Variants in UGGT1 observed in about 807,000 individuals in gnomAD.
UGGT1 encodes UDP-glucose glycoprotein glucosyltransferase 1.
Under a neutral mutation model 203.9 loss-of-function variants are expected in UGGT1, and 107 were observed. The observed-to-expected ratio is 0.52, with a 90% confidence interval of 0.45 to 0.62. The LOEUF is 0.62. Ranked by LOEUF, UGGT1 falls within the 20% of genes least tolerant of loss-of-function variation. The pLI is 0.00. For synonymous variants in UGGT1, 628 were observed against 653.5 expected, an observed-to-expected ratio of 0.96 and a Z score of 0.59; for missense variants, 1,673 against 1,867.2, an observed-to-expected ratio of 0.90 and a Z score of 1.92.
At chr2:128,127,582 G>A (rs1688664733) in intron 12 of UGGT1, 130 bp downstream of exon 12, 3 of 664,596 alleles carry the variant, frequency 4.5e-6, no homozygotes, top group Non-Finnish European at 7.9e-6. Flanking sequence ...CCCACTGGGT[G>A]GACGTAGGTA....
At chr2:128,157,220 T>G in intron 21 of UGGT1, 32 bp from the exon 22 acceptor site, 2 of 1,496,438 alleles carry the variant, frequency 1.3e-6, no homozygotes, top group Non-Finnish European at 1.9e-6. Context: ...TTCTCTCCTC[T>G]GACTCAATTA....
rs765924771 is a variant in UGGT1, at chr2:128,172,672, A to G, written c.3204A>G (p.Pro1068=). The change falls in exon 29 of 41, where the codon CCA becomes CCG. Residue 1068 remains proline, a synonymous_variant. Coordinates refer to ENST00000259253, the MANE Select transcript of UGGT1 (RefSeq NM_020120.4). ...IAKFLDMPQS[P]LFTLNLNTPE... The stretch of plus-strand genomic sequence containing the variant: ...AATTTTTGGATATGCCTCAGTCTCC[A>G]CTGTTCACTCTGAATTTGAACACAC... 9 of 1,614,022 alleles carry G rather than the reference A, an allele frequency of 5.6e-6. No individual in the cohort carries two copies.
At chr2:128,109,580 T>A in intron 4 of UGGT1, 54 bp from the exon 5 acceptor site, 1 of 1,389,334 alleles carries the variant, frequency 7.2e-7, no homozygotes, top group Non-Finnish European at 1.0e-6. Flanking sequence ...TACATGTCTT[T>A]ATCTCGTCTT....
Position 128,174,782 on chromosome 2 carries a change from C to T in UGGT1, c.3463C>T (p.Gln1155Ter), listed in dbSNP as rs753161743. Reference sequence around the variant, plus strand: ...TTTCTTCTTGTCCTAGGGCTACTTTCAGCTGAAAGCCAACCCAGGAGCTTG... The same window carrying T: ...TTTCTTCTTGTCCTAGGGCTACTTTTAGCTGAAAGCCAACCCAGGAGCTTG... The part of the protein sequence containing the change: ...TIVMANLGYF[Q>*]LKANPGAWIL... The change falls in exon 31 of 41, where the codon CAG becomes TAG. Residue 1155 changes from glutamine to a stop codon, truncating the protein, a stop_gained. Coordinates refer to ENST00000259253, the MANE Select transcript of UGGT1 (RefSeq NM_020120.4). LOFTEE classifies it high-confidence loss of function. The T allele has an allele frequency of 1.2e-6, 2 of 1,613,564 alleles. No individual in the cohort carries two copies. Among genetic ancestry groups the T allele is most frequent in the East Asian group, 2.2e-5 (1 of 44,868 alleles).
chr2:128,174,545 C>T (rs1206538077), intron 30 of UGGT1, among the ~76,000 whole-genome samples: 2 of 152,156 alleles, frequency 1.3e-5, no homozygotes, highest in Non-Finnish European at 2.9e-5. Context: ...AGTTGATCCA[C>T]CTGCCGTGGT....
At chr2:128,179,689 G>C in intron 34 of UGGT1, 97 bp from the exon 35 acceptor site, 1 of 1,038,138 alleles carries the variant, frequency 9.6e-7, no homozygotes, top group Non-Finnish European at 1.4e-6. Flanking sequence ...TAGCTCTGCC[G>C]TAAAGAGCAT....
intron 26 of UGGT1, among the ~76,000 whole-genome samples, chr2:128,167,642 G>A (rs991260484): frequency 6.6e-6 from 1 of 152,142 alleles, no homozygotes; most frequent in Admixed American, 6.5e-5. Flanking sequence ...CGAACCATAG[G>A]CAAATGTGTA....
intron 2 of UGGT1, 134 bp from the exon 3 acceptor site, chr2:128,103,798 G>A: frequency 2.4e-6 from 1 of 411,118 alleles, no homozygotes; most frequent in Non-Finnish European, 4.3e-6. Flanking sequence ...ACATAAAAGA[G>A]TATTATATAT....
intron 24 of UGGT1, among the ~76,000 whole-genome samples, chr2:128,160,933 G>T (rs778533390): frequency 4.6e-5 from 7 of 152,178 alleles, no homozygotes; most frequent in Non-Finnish European, 1.0e-4. Context: ...TGTCCTTGAG[G>T]AATTGATAAG....
At chr2:128,147,013 A>G (rs1209752452) in intron 18 of UGGT1, among the ~76,000 whole-genome samples, 1 of 152,186 alleles carries the variant, frequency 6.6e-6, no homozygotes, top group Non-Finnish European at 1.5e-5. Flanking sequence ...ATAAACCACC[A>G]TGTGTGTCCT....
At chr2:128,115,483 T>TAAAAAA (rs55952659) in intron 7 of UGGT1, among the ~76,000 whole-genome samples, 11 of 121,682 alleles carry the variant, frequency 9.0e-5, no homozygotes, top group East Asian at 4.8e-4. Context: ...TTTCATGTAC[T>TAAAAAA]AAAAAAAAAA....
chr2:128,161,034 T>A, intron 24 of UGGT1, 104 bp from the exon 25 acceptor site: 1 of 1,346,452 alleles, frequency 7.4e-7, no homozygotes, highest in Admixed American at 2.3e-5. Context: ...CTTTAAGATG[T>A]TCTGGCGTAT....
chr2:128,108,861 T>C (rs1431949000), intron 4 of UGGT1, among the ~76,000 whole-genome samples: 6 of 152,180 alleles, frequency 3.9e-5, no homozygotes, highest in African/African-American at 1.4e-4. Flanking sequence ...CTTGTTACTG[T>C]ATTGTATTGC....
intron 26 of UGGT1, among the ~76,000 whole-genome samples, chr2:128,168,378 C>G (rs540353350): frequency 1.7e-4 from 26 of 152,280 alleles, no homozygotes; most frequent in Admixed American, 4.6e-4. Flanking sequence ...AACACAGATA[C>G]AAAGCTATTC....
chr2:128,108,213 T>A (rs1687690314), intron 4 of UGGT1, 145 bp downstream of exon 4: 1 of 1,059,656 alleles, frequency 9.4e-7, no homozygotes. Context: ...TTAAAAAAAA[T>A]AATAAGCAAA....
At chr2:128,149,311 G>A (rs530244244) in intron 18 of UGGT1, among the ~76,000 whole-genome samples, 2 of 150,476 alleles carry the variant, frequency 1.3e-5, no homozygotes, top group African/African-American at 4.9e-5. Context: ...CAAAGTGCTG[G>A]GATTATAGGC....
chr2:128,135,107 GC>G, intron 15 of UGGT1, 146 bp downstream of exon 15: 1 of 667,494 alleles, frequency 1.5e-6, no homozygotes. Context: ...TCAGTATGAA[GC>G]CAGTGTCTTT....
At chr2:128,166,773 C>T (rs989080514) in intron 26 of UGGT1, among the ~76,000 whole-genome samples, 4 of 152,138 alleles carry the variant, frequency 2.6e-5, no homozygotes, top group Admixed American at 2.0e-4. Flanking sequence ...CTGTAGCTGG[C>T]AAGTATATAC....
chr2:128,138,914 G>A, intron 16 of UGGT1, 62 bp downstream of exon 16: 1 of 1,600,046 alleles, frequency 6.2e-7, no homozygotes. Context: ...TAATAACAAT[G>A]TGTGGTCATT....
Sources: gnomAD v4.1 joint callset for allele counts (sites outside exome capture counted in the v4.1 genomes callset) on GRCh38, gnomAD v4.1.1 for gene constraint, MANE v1.5 for transcripts, NCBI Gene and HGNC (gene_info 2026-07-23, HGNC 2026-07-21) for gene names.